NKD1: variants seen among roughly 807,000 people sequenced by gnomAD.
NKD1 encodes the protein protein naked cuticle homolog 1.
In NKD1, 21 loss-of-function variants were observed where a neutral mutation model predicts 56.0. The observed-to-expected ratio is 0.38, with a 90% CI of 0.27 to 0.54. NKD1 has a LOEUF of 0.54. NKD1 is among the 20% of genes least tolerant of loss of function. The probability of loss-of-function intolerance (pLI) is 0.82; values close to 1 mark genes in which losing one functional copy is unlikely to be tolerated. For synonymous variants in NKD1, 263 were observed against 265.7 expected, an observed-to-expected ratio of 0.99 and a Z score of 0.10; for missense variants, 578 against 642.7, an observed-to-expected ratio of 0.90 and a Z score of 1.09.
chr16:50,576,294 C>T (rs995064050), intron 3 of NKD1, among the ~76,000 whole-genome samples: 7 of 152,140 alleles, frequency 4.6e-5, no homozygotes, highest in Admixed American at 4.6e-4. Context: ...CTATACTCAC[C>T]CCCATGTCCA....
In NKD1 at chr16:50,634,055, A is replaced by T. The variant is rs1286050537; in HGVS notation, c.*274A>T. 1 of 311,882 alleles carries T rather than the reference A, an allele frequency of 3.2e-6. No individual in the cohort carries two copies. Among genetic ancestry groups the T allele is most frequent in the Non-Finnish European group, 5.8e-6 (1 of 172,328 alleles). The allele number at this position is 311,882 out of a possible 1,614,324, so 19.3% of individuals were successfully genotyped here. ...GGCAGAGGCTCCCTCGGGGCTCGGGATCTGCAGCATCTATGTGGATCAGCC... is the reference window on the plus strand; with the variant it reads ...GGCAGAGGCTCCCTCGGGGCTCGGGTTCTGCAGCATCTATGTGGATCAGCC... On this transcript the variant is annotated 3_prime_UTR_variant, in exon 10 of 10. Coordinates refer to ENST00000268459, the MANE Select transcript of NKD1 (RefSeq NM_033119.5).
At chr16:50,625,841 T>TG (rs796637595) in intron 6 of NKD1, among the ~76,000 whole-genome samples, 51 of 93,424 alleles carry the variant, frequency 5.5e-4, no homozygotes, top group East Asian at 3.5e-3. Context: ...GGAAAGAAGT[T>TG]GGGGGGGGCA....
intron 4 of NKD1, among the ~76,000 whole-genome samples, chr16:50,612,437 C>G (rs1261127717): frequency 6.6e-6 from 1 of 152,254 alleles, no homozygotes. Flanking sequence ...TTTGCTGCAG[C>G]TAGGGGCTCT....
chr16:50,589,434 C>CTA (rs1251599599), intron 3 of NKD1, among the ~76,000 whole-genome samples: 1 of 152,176 alleles, frequency 6.6e-6, no homozygotes, highest in Non-Finnish European at 1.5e-5. Flanking sequence ...TTTTGCTTTT[C>CTA]TATAGCCCAG....
chr16:50,561,152 G>T (rs1481001345), intron 3 of NKD1, among the ~76,000 whole-genome samples: 1 of 152,164 alleles, frequency 6.6e-6, no homozygotes. Flanking sequence ...AGGATGAGCA[G>T]TCCCATGGAG....
chr16:50,575,380 C>G, intron 3 of NKD1: 2 of 979,558 alleles, frequency 2.0e-6, no homozygotes, highest in Non-Finnish European at 2.4e-6. Flanking sequence ...AGAACATCAG[C>G]GCGAGGGTAA....
At chr16:50,552,994 G>A (rs2151261586) in intron 3 of NKD1, among the ~76,000 whole-genome samples, 1 of 152,376 alleles carries the variant, frequency 6.6e-6, no homozygotes, top group East Asian at 1.9e-4. Context: ...CACGAGTACT[G>A]TGGAAGAGGA....
intron 6 of NKD1, among the ~76,000 whole-genome samples, chr16:50,627,364 C>T (rs1214227985): frequency 6.6e-6 from 1 of 152,188 alleles, no homozygotes; most frequent in Non-Finnish European, 1.5e-5. Context: ...ACAGTTTCAA[C>T]CTGCGTTGTC....
chr16:50,549,427 A>G lies in NKD1; in HGVS notation c.64A>G (p.Ser22Gly), dbSNP rs762292145. The change falls in exon 3 of 10, where the codon AGC becomes GGC. Residue 22 changes from serine (S) to glycine (G), a missense_variant. Transcript: ENST00000268459. ...CKRRESPEGD[S>G]FAVSAAWARK... ...TCATGTCGTCCCCGTCCCAGGTGAC[A>G]GCTTCGCCGTGAGCGCTGCCTGGGC... 3.1e-6 allele frequency: 5 copies of G among 1,610,950 alleles called. No homozygotes were observed. The highest frequency in any genetic ancestry group is 4.2e-6 in the Non-Finnish European group (5 of 1,178,734).
intron 3 of NKD1, among the ~76,000 whole-genome samples, chr16:50,550,625 T>C: frequency 6.6e-6 from 1 of 152,040 alleles, no homozygotes; most frequent in East Asian, 1.9e-4. Flanking sequence ...TGGGGGCTTC[T>C]CTGTCTTCTG....
rs1465383400 is a variant in NKD1 at position 50,644,290 on chromosome 16, A to C, written c.*10509A>C. On this transcript the variant is annotated 3_prime_UTR_variant, in exon 10 of 10. Coordinates refer to ENST00000268459, the MANE Select transcript of NKD1 (RefSeq NM_033119.5). ...CACCAAAGCACTTGTTCACCAGATT[A>C]TCTTATAATCCCAAAGGCCCAGCAA... 6 of 152,276 alleles carry C rather than the reference A, an allele frequency of 3.9e-5. No homozygotes were observed. The highest frequency in any genetic ancestry group is 7.3e-5 in the Non-Finnish European group (5 of 68,050). 9.4% of individuals were successfully genotyped at this position (152,276 alleles called of 1,614,324 possible).
intron 3 of NKD1, among the ~76,000 whole-genome samples, chr16:50,603,392 G>A (rs1000682062): frequency 7.7e-4 from 117 of 152,316 alleles, no homozygotes; most frequent in African/African-American, 2.7e-3. Flanking sequence ...AGTGTGCTGG[G>A]AAGAGAGAAC....
chr16:50,590,389 A>G (rs1442330308), intron 3 of NKD1, among the ~76,000 whole-genome samples: 1 of 152,266 alleles, frequency 6.6e-6, no homozygotes, highest in East Asian at 1.9e-4. Context: ...TGTTAAAACC[A>G]ACGAATGCTA....
Position 50,645,647 on chromosome 16 carries a change from C to T in NKD1, c.*11866C>T, listed in dbSNP as rs1439056687. 3 of 152,058 alleles carry T rather than the reference C, an allele frequency of 2.0e-5. No homozygotes were observed. The highest frequency in any genetic ancestry group is 4.4e-5 in the Non-Finnish European group (3 of 68,028). The allele number at this position is 152,058 out of a possible 1,614,324, so 9.4% of individuals were successfully genotyped here. The stretch of plus-strand genomic sequence containing the variant: ...AGAGAAGGGATTGGAAACAGTAGCC[C>T]GGAGAGGAGGCTCTCTTGGTAGGAT... On this transcript the variant is annotated 3_prime_UTR_variant, in exon 10 of 10. Coordinates refer to ENST00000268459, the MANE Select transcript of NKD1 (RefSeq NM_033119.5).
intron 3 of NKD1, among the ~76,000 whole-genome samples, chr16:50,582,184 T>C (rs1961131233): frequency 6.6e-6 from 1 of 152,158 alleles, no homozygotes; most frequent in Admixed American, 6.5e-5. Context: ...TTAGAGTCAG[T>C]GGGCCTCAGA....
At chr16:50,606,959 T>A (rs1038801437) in intron 3 of NKD1, 4 of 456,662 alleles carry the variant, frequency 8.8e-6, no homozygotes, top group African/African-American at 8.0e-5. Flanking sequence ...AGCTCCCCTG[T>A]CAACTCGGGC....
intron 3 of NKD1, chr16:50,573,996 G>A (rs1960940696): frequency 1.0e-6 from 1 of 959,792 alleles, no homozygotes; most frequent in Middle Eastern, 5.4e-4. Flanking sequence ...ATGCATGTGT[G>A]TCTATATATA....
chr16:50,619,721 C>G (rs1437425199), intron 4 of NKD1, among the ~76,000 whole-genome samples: 7 of 152,176 alleles, frequency 4.6e-5, no homozygotes, highest in African/African-American at 1.7e-4. Context: ...TAAGAATCCT[C>G]TGGGGAAGGG....
Position 50,599,513 on chromosome 16 carries a change from G to A in NKD1, c.193-8781G>A, listed in dbSNP as rs566265104. On this transcript the variant is annotated intron_variant, in intron 3 of 9. Transcript: ENST00000268459. ...CCTCATGGCCAAAGTGGGGGTCATC[G>A]CAGAGCCCAGCTTCTAGGGCTGCTG... Among the ~76,000 whole-genome samples the A allele has an allele frequency of 1.1e-3, 169 of 152,278 alleles. 2 individuals carry two copies. The highest frequency in any genetic ancestry group is 2.1e-3 in the Non-Finnish European group (143 of 68,006).
Sources: gnomAD v4.1 joint callset for allele counts (sites outside exome capture counted in the v4.1 genomes callset) on GRCh38, gnomAD v4.1.1 for gene constraint, MANE v1.5 for transcripts, NCBI Gene and HGNC (gene_info 2026-07-23, HGNC 2026-07-21) for gene names.